The following AGBL4 variants were observed in gnomAD, a reference collection of about 807,000 sequenced individuals.
AGBL4 encodes cytosolic carboxypeptidase 6.
A neutral mutation model predicts 66.4 loss-of-function variants in AGBL4; 58 were observed. That is an observed-to-expected ratio of 0.87 (90% CI 0.71 to 1.09). The LOEUF is 1.09. Ranked by LOEUF, AGBL4 falls within the 50% of genes least tolerant of loss-of-function variation. AGBL4 has a pLI of 0.00. For synonymous variants in AGBL4, 234 were observed against 222.9 expected (o/e 1.05, Z -0.44); for missense variants, 579 against 631.0 (o/e 0.92, Z 0.88).
the AGBL4 span, among the ~76,000 whole-genome samples, chr1:48,526,840 T>C: frequency 3.7e-4 from 57 of 152,232 alleles, no homozygotes; most frequent in Non-Finnish European, 6.8e-4. Context: ...TGCCTTGGGC[T>C]GTGAAAAAGA....
intron 3 of AGBL4, among the ~76,000 whole-genome samples, chr1:49,606,732 G>A (rs752645182): frequency 6.6e-6 from 1 of 152,054 alleles, no homozygotes; most frequent in African/African-American, 2.4e-5. Flanking sequence ...ATATATCCAA[G>A]ATGACACAGG....
At chr1:49,178,814 G>A (rs574000614) in intron 4 of AGBL4, among the ~76,000 whole-genome samples, 4 of 152,206 alleles carry the variant, frequency 2.6e-5, no homozygotes, top group South Asian at 2.1e-4. Flanking sequence ...AATGTTTGTC[G>A]AATGAATTAA....
intron 1 of AGBL4, among the ~76,000 whole-genome samples, chr1:49,944,177 T>G (rs1340549203): frequency 6.6e-6 from 1 of 151,878 alleles, no homozygotes; most frequent in Non-Finnish European, 1.5e-5. Context: ...ACCCACCACC[T>G]AATCCTCCCC....
chr1:49,767,018 C>T (rs1652780630), intron 2 of AGBL4, among the ~76,000 whole-genome samples: 1 of 152,084 alleles, frequency 6.6e-6, no homozygotes. Context: ...AACTTCAACA[C>T]CCCACTGAGA....
intron 6 of AGBL4, among the ~76,000 whole-genome samples, chr1:48,793,841 C>G (rs983889348): frequency 1.3e-5 from 2 of 152,108 alleles, no homozygotes; most frequent in Admixed American, 6.5e-5. Context: ...ATAAAGTCAT[C>G]AGTTAGAGAA....
intron 4 of AGBL4, among the ~76,000 whole-genome samples, chr1:49,094,173 A>G (rs1262272596): frequency 6.6e-6 from 1 of 152,128 alleles, no homozygotes; most frequent in Non-Finnish European, 1.5e-5. Context: ...TAGTACTGGC[A>G]CTATTTATAA....
chr1:49,927,951 G>A (rs1409875118), intron 1 of AGBL4, among the ~76,000 whole-genome samples: 1 of 152,148 alleles, frequency 6.6e-6, no homozygotes, highest in African/African-American at 2.4e-5. Context: ...TATTTTAACT[G>A]TATTCCATAT....
chr1:48,827,862 T>C (rs1382817252), intron 6 of AGBL4, among the ~76,000 whole-genome samples: 1 of 151,868 alleles, frequency 6.6e-6, no homozygotes, highest in African/African-American at 2.4e-5. Flanking sequence ...CTAGTAAGTA[T>C]TGAAAATGGG....
intron 8 of AGBL4, among the ~76,000 whole-genome samples, chr1:48,647,059 C>T (rs945709852): frequency 1.3e-5 from 2 of 152,160 alleles, no homozygotes; most frequent in Admixed American, 6.5e-5. Context: ...AGCAGGACCT[C>T]AACAAACCTT....
intron 8 of AGBL4, among the ~76,000 whole-genome samples, chr1:48,639,948 G>T (rs80029391): frequency 1.3e-5 from 2 of 152,170 alleles, no homozygotes; most frequent in South Asian, 2.1e-4. Context: ...ACAGAGGAAC[G>T]CATAAGATGG....
intron 2 of AGBL4, among the ~76,000 whole-genome samples, chr1:49,801,404 CT>C (rs1385050220): frequency 6.6e-6 from 1 of 152,192 alleles, no homozygotes; most frequent in East Asian, 1.9e-4. Context: ...AAACAGAGGA[CT>C]TGCTAAGCCA....
intron 3 of AGBL4, among the ~76,000 whole-genome samples, chr1:49,638,377 A>G (rs962366628): frequency 2.6e-5 from 4 of 152,218 alleles, no homozygotes; most frequent in African/African-American, 9.7e-5. Context: ...ATTCTATATC[A>G]TATATCTGTA....
chr1:48,622,827 A>T (rs1054892669), intron 9 of AGBL4, among the ~76,000 whole-genome samples: 1 of 152,074 alleles, frequency 6.6e-6, no homozygotes, highest in African/African-American at 2.4e-5. Flanking sequence ...TTTTTTTGAG[A>T]ATTATGTGCC....
intron 2 of AGBL4, among the ~76,000 whole-genome samples, chr1:49,704,551 T>A (rs1647165530): frequency 6.6e-6 from 1 of 152,166 alleles, no homozygotes; most frequent in South Asian, 2.1e-4. Context: ...CTAGGGTTTT[T>A]ATTGTTCTAG....
At chr1:49,161,404 GA>G in intron 4 of AGBL4, among the ~76,000 whole-genome samples, 1 of 152,138 alleles carries the variant, frequency 6.6e-6, no homozygotes, top group East Asian at 1.9e-4. Context: ...CAGTCCCAAT[GA>G]GATGAACTGG....
chr1:48,871,247 T>C (rs1570885788), intron 5 of AGBL4, among the ~76,000 whole-genome samples: 1 of 151,972 alleles, frequency 6.6e-6, no homozygotes, highest in East Asian at 1.9e-4. Flanking sequence ...GCCAGTAAGG[T>C]AGGTGGCAGG....
rs1651117944 is a variant in AGBL4, at chr1:49,531,235, A to C, written c.282+166078T>G. 4.6e-5 allele frequency among the ~76,000 whole-genome samples: 7 copies of C among 152,106 alleles called. No individual in the cohort carries two copies. The South Asian group carries it at 1.5e-3, about 32-fold the overall frequency. Reference sequence around the variant, plus strand: ...AGACCTAAGCTGCTGAGAAGAGTGCACTGGGCTGTCTTTAAGTCTGGCTCA... The same window carrying C: ...AGACCTAAGCTGCTGAGAAGAGTGCCCTGGGCTGTCTTTAAGTCTGGCTCA... On this transcript the variant is annotated intron_variant, in intron 3 of 13. Transcript: ENST00000371839.
chr1:49,343,843 G>A (rs760469182), intron 3 of AGBL4, among the ~76,000 whole-genome samples: 10 of 152,066 alleles, frequency 6.6e-5, no homozygotes, highest in Non-Finnish European at 1.2e-4. Flanking sequence ...CTATTTTGTG[G>A]GAAAAATATA....
In AGBL4 at chr1:48,779,749, T is replaced by C. The variant is rs1039297434; in HGVS notation, c.634+87442A>G. Among the ~76,000 whole-genome samples, 3 of 149,852 alleles carry C rather than the reference T, an allele frequency of 2.0e-5. No individual in the cohort carries two copies. In the South Asian group the frequency reaches 6.3e-4, roughly 32 times the overall value. ...TTTTCTTGAGACGGAGTTTCGCTCT[T>C]GTTGCCCAGGCTGGAGTGCAATGGC... On this transcript the variant is annotated intron_variant, in intron 6 of 13. Coordinates refer to ENST00000371839, the MANE Select transcript of AGBL4 (RefSeq NM_032785.4).
Sources: gnomAD v4.1 joint callset for allele counts (sites outside exome capture counted in the v4.1 genomes callset) on GRCh38, gnomAD v4.1.1 for gene constraint, MANE v1.5 for transcripts, NCBI Gene and HGNC (gene_info 2026-07-23, HGNC 2026-07-21) for gene names.